PHF19: variants seen among roughly 807,000 people sequenced by gnomAD.
The protein encoded by PHF19 is PHD finger protein 19.
PHF19 carries 21 observed loss-of-function variants against 79.8 expected under a neutral mutation model. The observed-to-expected ratio is 0.26, with a 90% CI of 0.19 to 0.38. The LOEUF is 0.38. Ranked by LOEUF, PHF19 falls within the 10% of genes least tolerant of loss-of-function variation. PHF19 has a pLI of 1.00. For missense variants in PHF19, 445 were observed against 744.2 expected (o/e 0.60, Z 4.68); for synonymous variants, 273 against 296.3 (o/e 0.92, Z 0.81).
At position 120,869,516 on chromosome 9, in the gene PHF19, C is replaced by G. The variant is rs935634678; in HGVS notation, c.466-186G>C. ...CCCATCCCCTCTATCCCAGAAGGAA[C>G]TCCGTTGATAACAGAATTAAGAGTA... On this transcript the variant is annotated intron_variant, in intron 5 of 14. Coordinates refer to ENST00000373896, the MANE Select transcript of PHF19 (RefSeq NM_015651.3). This position sits in a 1 kb window ranked among gnomAD's most constrained non-coding sequence, Gnocchi z 5.8. The G allele has an allele frequency of 7.2e-7, 1 of 1,380,812 alleles. No homozygotes were observed. Among genetic ancestry groups the G allele is most frequent in the Non-Finnish European group, 9.6e-7 (1 of 1,045,900 alleles). 85.5% of individuals were successfully genotyped at this position (1,380,812 alleles called of 1,614,324 possible). A position where few individuals can be genotyped will look rare whatever the true frequency, so the allele number is the denominator to read the frequency against.
intron 1 of PHF19, among the ~76,000 whole-genome samples, chr9:120,882,698 C>T (rs1196664696): frequency 6.6e-6 from 1 of 151,884 alleles, no homozygotes; most frequent in Non-Finnish European, 1.5e-5. Context: ...AAAAATTAGT[C>T]GTGCATGGTG....
intron 3 of PHF19, 43 bp downstream of exon 3, chr9:120,873,936 C>A (rs2045975110): frequency 2.1e-6 from 2 of 952,374 alleles, no homozygotes; most frequent in Admixed American, 1.7e-5. Flanking sequence ...GGAGAGAAGA[C>A]CTGGGGAGGT....
chr9:120,862,807 G>T lies in PHF19; in HGVS notation c.969-58C>A. 1 of 1,543,940 alleles carries T rather than the reference G, an allele frequency of 6.5e-7. No individual in the cohort carries two copies. Among genetic ancestry groups the T allele is most frequent in the South Asian group, 1.1e-5 (1 of 88,830 alleles). ...GAGTCTGTCAGTCCATCCTCCTGGG[G>T]AGTGGGGTCAAGCATGACACAAGCC... On this transcript the variant is annotated intron_variant, in intron 10 of 14. Transcript: ENST00000373896. This position sits in a 1 kb window ranked among gnomAD's most constrained non-coding sequence, Gnocchi z 4.6.
rs2045504592 is a variant in PHF19, at chr9:120,860,965, A to G, written c.1304+124T>C. The G allele has an allele frequency of 4.3e-6, 3 of 690,480 alleles. No individual in the cohort carries two copies. The highest frequency in any genetic ancestry group is 4.0e-5 in the Admixed American group (2 of 49,876). The allele number at this position is 690,480 out of a possible 1,614,324, so 42.8% of individuals were successfully genotyped here. A position where few individuals can be genotyped will look rare whatever the true frequency, so the allele number is the denominator to read the frequency against. On this transcript the variant is annotated intron_variant, in intron 13 of 14. Coordinates refer to ENST00000373896, the MANE Select transcript of PHF19 (RefSeq NM_015651.3). This position sits in a 1 kb window ranked among gnomAD's most constrained non-coding sequence, Gnocchi z 4.1. The stretch of plus-strand genomic sequence containing the variant: ...ACAGGGATGTTATGCTGAAAGCTCT[A>G]CTGCAAAAAGCCCCTTCAGACAGAC...
chr9:120,888,014 C>T (rs2046290959), intron 1 of PHF19, among the ~76,000 whole-genome samples: 1 of 152,230 alleles, frequency 6.6e-6, no homozygotes. Flanking sequence ...CGTCTGTCGC[C>T]CAGACTGGAG....
upstream of PHF19, among the ~76,000 whole-genome samples, chr9:120,897,945 C>T (rs890546070): frequency 1.4e-5 from 2 of 145,366 alleles, no homozygotes; most frequent in African/African-American, 2.6e-5. Flanking sequence ...CATCACTGCA[C>T]TCCAGCCTGG....
chr9:120,894,410 CAT>C (rs202082537), intron 1 of PHF19, among the ~76,000 whole-genome samples: 2,490 of 152,362 alleles, frequency 0.016, 33 homozygotes, highest in Non-Finnish European at 0.027. Context: ...CGGAGACTCA[CAT>C]GTTTCCATTA....
chr9:120,892,639 C>T (rs2046357389), intron 1 of PHF19, among the ~76,000 whole-genome samples: 2 of 152,268 alleles, frequency 1.3e-5, no homozygotes, highest in South Asian at 4.1e-4. Context: ...AAGGTCCACA[C>T]TTGTATACCT....
In PHF19 at chr9:120,884,782, G is replaced by A. The variant is rs199682813; in HGVS notation, c.42+10006C>T. ...AAAAAAAAAAAAAAATTAGCTGGAT[G>A]TGGTGGTACACGCCTATGATCCCAG... On this transcript the variant is annotated intron_variant, in intron 1 of 14. Transcript: ENST00000616568. 3.3e-5 allele frequency among the ~76,000 whole-genome samples: 5 copies of A among 150,656 alleles called. No homozygotes were observed. In the East Asian group the frequency reaches 9.8e-4, roughly 30 times the overall value.
At chr9:120,896,520 C>T (rs1233238175), upstream of PHF19, among the ~76,000 whole-genome samples, 11 of 143,384 alleles carry the variant, frequency 7.7e-5, no homozygotes, top group African/African-American at 2.9e-4. Flanking sequence ...GGCGCGATCT[C>T]GACTCACTGC....
chr9:120,891,349 GTATTGGCCTAGAGAACCTT>G lies in PHF19; in HGVS notation c.42+3420_42+3438del, dbSNP rs1344179573. On this transcript the variant is annotated intron_variant, in intron 1 of 14. Coordinates refer to the PHF19 transcript ENST00000616568. This position sits in a 1 kb window ranked among gnomAD's most constrained non-coding sequence, Gnocchi z 4.3. ...CAGCTACAGTCAATATCTAGAGAAG[GTATTGGCCTAGAGAACCTT>G]GCTCAATCTTAAGCCCGCACACCTG... Among the ~76,000 whole-genome samples the G allele has an allele frequency of 6.6e-6, 1 of 151,890 alleles. No individual in the cohort carries two copies. Among genetic ancestry groups the G allele is most frequent in the Non-Finnish European group, 1.5e-5 (1 of 67,996 alleles).
rs1429645383 is a variant in PHF19, at chr9:120,874,507, G to A, written c.186+49C>T. 1 of 1,245,704 alleles carries A rather than the reference G, an allele frequency of 8.0e-7. No homozygotes were observed. Among genetic ancestry groups the A allele is most frequent in the South Asian group, 1.3e-5 (1 of 79,594 alleles). The allele number at this position is 1,245,704 out of a possible 1,614,324, so 77.2% of individuals were successfully genotyped here. A position where few individuals can be genotyped will look rare whatever the true frequency, so the allele number is the denominator to read the frequency against. On this transcript the variant is annotated intron_variant, in intron 2 of 14. Coordinates refer to ENST00000373896, the MANE Select transcript of PHF19 (RefSeq NM_015651.3). This position sits in a 1 kb window ranked among gnomAD's most constrained non-coding sequence, Gnocchi z 4.5. ...GTCTGACAGCCAGGCTGGAACATGAGCAGAGAGATTCTGAGTCTGAGAACA... is the reference window on the plus strand; with the variant it reads ...GTCTGACAGCCAGGCTGGAACATGAACAGAGAGATTCTGAGTCTGAGAACA...
intron 1 of PHF19, among the ~76,000 whole-genome samples, chr9:120,890,177 C>T (rs1314332821): frequency 6.6e-6 from 1 of 151,500 alleles, no homozygotes; most frequent in Non-Finnish European, 1.5e-5. Flanking sequence ...TATCATCATC[C>T]TTTTAACTTG....
chr9:120,869,970 G>A lies in PHF19; in HGVS notation c.365-25C>T, dbSNP rs898398241. ...CCTACGGCAGAGGAGGGGGCGGTGA[G>A]CGCCCACAAGGACATCGTGGCCCAA... On this transcript the variant is annotated intron_variant, in intron 4 of 14. Transcript: ENST00000373896. The surrounding 1 kb of genome is among the most constrained non-coding windows in gnomAD (Gnocchi z 5.8). The A allele has an allele frequency of 9.0e-6, 14 of 1,552,996 alleles. No individual in the cohort carries two copies. The highest frequency in any genetic ancestry group is 2.7e-5 in the African/African-American group (2 of 73,410).
At chr9:120,868,966 C>A (rs1271518408) in intron 6 of PHF19, 2 of 332,738 alleles carry the variant, frequency 6.0e-6, no homozygotes, top group African/African-American at 2.5e-5. Context: ...GCGGCTGACC[C>A]CCCCCTCCCC....
rs774742635 is a variant in PHF19 at position 120,869,839 on chromosome 9, G to A, written c.465+6C>T. 7.4e-6 allele frequency: 12 copies of A among 1,612,640 alleles called. No individual in the cohort carries two copies. In the Admixed American group the frequency reaches 1.0e-4, roughly 13 times the overall value. Reference sequence around the variant, plus strand: ...AGGCAGGGACTGGGGAGGATGGAAGGCTCACCCGCACAGCCAGTGCGAAGA... The same window carrying A: ...AGGCAGGGACTGGGGAGGATGGAAGACTCACCCGCACAGCCAGTGCGAAGA... On this transcript the variant is annotated splice_donor_region_variant and intron_variant, in intron 5 of 14. Coordinates refer to ENST00000373896, the MANE Select transcript of PHF19 (RefSeq NM_015651.3). This position sits in a 1 kb window ranked among gnomAD's most constrained non-coding sequence, Gnocchi z 5.8.
rs1194158461 is a variant in PHF19, at chr9:120,865,612, A to C, written c.900+98T>G. Reference sequence around the variant, plus strand: ...CTGGACTCAGGGATGCAGCAACTCAAGGGTGAGAGTTCAGAGACTTCCATC... The same window carrying C: ...CTGGACTCAGGGATGCAGCAACTCACGGGTGAGAGTTCAGAGACTTCCATC... On this transcript the variant is annotated intron_variant, in intron 9 of 14. Transcript: ENST00000373896. 3 of 1,429,890 alleles carry C rather than the reference A, an allele frequency of 2.1e-6. No homozygotes were observed. The African/African-American group carries it at 4.2e-5, about 20-fold the overall frequency. The allele number at this position is 1,429,890 out of a possible 1,614,324, so 88.6% of individuals were successfully genotyped here.
At chr9:120,867,973 G>C (rs1431533187) in intron 6 of PHF19, among the ~76,000 whole-genome samples, 1 of 152,226 alleles carries the variant, frequency 6.6e-6, no homozygotes, top group Non-Finnish European at 1.5e-5. Flanking sequence ...TCTTGCCGCA[G>C]AGCCAGGACA....
intron 1 of PHF19, chr9:120,894,773 A>C: frequency 2.4e-6 from 3 of 1,225,532 alleles, no homozygotes; most frequent in Non-Finnish European, 3.1e-6. Context: ...GTTCTTGTCG[A>C]TCTCCCGGAC....
Sources: gnomAD v4.1 joint callset for allele counts (sites outside exome capture counted in the v4.1 genomes callset) on GRCh38, gnomAD v4.1.1 for gene constraint, Gnocchi (gnomAD v3.1) non-coding constraint, MANE v1.5 for transcripts, NCBI Gene and HGNC (gene_info 2026-07-23, HGNC 2026-07-21) for gene names.